The following PCCA variants were observed in gnomAD, a reference collection of about 807,000 sequenced individuals.
PCCA encodes the protein propionyl-CoA carboxylase subunit alpha, also known as propionyl-CoA carboxylase alpha chain, mitochondrial.
PCCA carries 74 observed loss-of-function variants against 101.3 expected under a neutral mutation model. That is an observed-to-expected ratio of 0.73 (90% confidence interval 0.61 to 0.89). The LOEUF is 0.89. PCCA is among the 40% of genes least tolerant of loss of function. The pLI, the probability that PCCA is intolerant of heterozygous loss-of-function variation, is 0.00. For missense variants in PCCA, 891 were observed against 907.0 expected, an observed-to-expected ratio of 0.98 and a Z score of 0.23; for synonymous variants, 294 against 313.6, an observed-to-expected ratio of 0.94 and a Z score of 0.66.
intron 4 of PCCA, among the ~76,000 whole-genome samples, chr13:100,128,609 C>T (rs1344109452): frequency 2.0e-5 from 3 of 152,090 alleles, no homozygotes; most frequent in Non-Finnish European, 4.4e-5. Context: ...AGACCGCGTG[C>T]GCAAAGGCTC....
chr13:100,503,781 G>T (rs1235517911), intron 21 of PCCA, among the ~76,000 whole-genome samples: 1 of 152,138 alleles, frequency 6.6e-6, no homozygotes, highest in Non-Finnish European at 1.5e-5. Flanking sequence ...GGTGGCATGT[G>T]CCTATGGTCT....
At chr13:100,105,671 A>G (rs1007299002) in intron 2 of PCCA, among the ~76,000 whole-genome samples, 2 of 149,466 alleles carry the variant, frequency 1.3e-5, no homozygotes, top group Non-Finnish European at 3.0e-5. Flanking sequence ...AAAAAAAAAA[A>G]AAAAAAAACA....
intron 14 of PCCA, chr13:100,305,690 T>TG (rs1408326421): frequency 1.1e-5 from 3 of 280,354 alleles, no homozygotes; most frequent in Non-Finnish European, 2.2e-5. Flanking sequence ...CTCTTTAATG[T>TG]GGGGAAAAGG....
chr13:100,258,556 A>G (rs969823895), intron 9 of PCCA, among the ~76,000 whole-genome samples: 1 of 152,012 alleles, frequency 6.6e-6, no homozygotes, highest in Non-Finnish European at 1.5e-5. Flanking sequence ...CTTAGCGCTT[A>G]TTTTTCATTA....
Position 100,146,590 on chromosome 13 carries a change from T to A in PCCA, c.301-8389T>A, listed in dbSNP as rs1274286814. Among the ~76,000 whole-genome samples the A allele has an allele frequency of 4.5e-3, 653 of 144,652 alleles. 7 individuals are homozygous for A. The highest frequency in any genetic ancestry group is 0.015 in the African/African-American group (557 of 38,362). The allele number at this position is 144,652 out of a possible 152,430, so 94.9% of individuals were successfully genotyped here. A position where few individuals can be genotyped will look rare whatever the true frequency, so the allele number is the denominator to read the frequency against. ...ACTCTGTCTCAAAAAAAAAAAAAAA[T>A]GGTTAATAGTTAGAAGAAATACAGG... On this transcript the variant is annotated intron_variant, in intron 4 of 23. Coordinates refer to ENST00000376285, the MANE Select transcript of PCCA (RefSeq NM_000282.4).
At chr13:100,468,186 GC>G (rs1180297400) in intron 21 of PCCA, among the ~76,000 whole-genome samples, 3 of 152,186 alleles carry the variant, frequency 2.0e-5, no homozygotes, top group Admixed American at 2.0e-4. Flanking sequence ...AGTAAACCAT[GC>G]CCTAAACAGA....
chr13:100,491,515 T>G, intron 21 of PCCA: 2 of 396,190 alleles, frequency 5.0e-6, no homozygotes, highest in South Asian at 5.0e-5. Flanking sequence ...AAGAAGAAAA[T>G]AGATAAAAAG....
intron 6 of PCCA, among the ~76,000 whole-genome samples, chr13:100,164,790 A>G (rs1352882220): frequency 6.6e-6 from 1 of 152,168 alleles, no homozygotes; most frequent in Non-Finnish European, 1.5e-5. Flanking sequence ...CATCAGCTCC[A>G]GAACTTTATA....
chr13:100,350,947 A>G (rs929964347), intron 18 of PCCA, among the ~76,000 whole-genome samples: 4 of 152,232 alleles, frequency 2.6e-5, no homozygotes, highest in African/African-American at 9.6e-5. Context: ...TCATACAGCT[A>G]TTCAGCTTAC....
At chr13:100,190,787 C>A (rs1224563299) in intron 6 of PCCA, among the ~76,000 whole-genome samples, 2 of 151,546 alleles carry the variant, frequency 1.3e-5, no homozygotes, top group Non-Finnish European at 2.9e-5. Flanking sequence ...AATAAGGAGA[C>A]CCCATCACTA....
At chr13:100,152,050 A>G (rs2053393507) in intron 4 of PCCA, among the ~76,000 whole-genome samples, 1 of 152,228 alleles carries the variant, frequency 6.6e-6, no homozygotes, top group African/African-American at 2.4e-5. Flanking sequence ...ATTGAAATAG[A>G]GTTTCAAAAG....
At position 100,524,914 on chromosome 13, in the gene PCCA, A is replaced by AAGAT. The variant is rs796956670; in HGVS notation, c.2041-2747_2041-2744dup. ...TTAGATAGATTAGATTAGATTACATAAGATAGATAGATAGATAAAATAGAT... is the reference window on the plus strand; with the variant it reads ...TTAGATAGATTAGATTAGATTACATAAGATAGATAGATAGATAGATAAAATAGAT... On this transcript the variant is annotated intron_variant, in intron 22 of 23. Coordinates refer to ENST00000376285, the MANE Select transcript of PCCA (RefSeq NM_000282.4). Among the ~76,000 whole-genome samples the AAGAT allele has an allele frequency of 3.3e-3, 505 of 152,156 alleles. 3 individuals carry two copies. The highest frequency in any genetic ancestry group is 0.011 in the African/African-American group (468 of 41,488).
chr13:100,297,476 A>C (rs2065648002), intron 12 of PCCA, among the ~76,000 whole-genome samples: 1 of 152,234 alleles, frequency 6.6e-6, no homozygotes, highest in South Asian at 2.1e-4. Context: ...AATGAGATAC[A>C]TTAAGCACTC....
chr13:100,275,657 T>A (rs927636255), intron 12 of PCCA, among the ~76,000 whole-genome samples: 1 of 152,234 alleles, frequency 6.6e-6, no homozygotes, highest in African/African-American at 2.4e-5. Flanking sequence ...TGTTTTCTTC[T>A]TGTCCAATCT....
In PCCA at chr13:100,412,633, A is replaced by G. The variant is rs991114529; in HGVS notation, c.1747-13000A>G. ...TGCCCTGTATACTCTGTACAAGTGC[A>G]TGCTTTATTATGATCAACCTAATGG... On this transcript the variant is annotated intron_variant, in intron 19 of 23. Transcript: ENST00000376285. Among the ~76,000 whole-genome samples, 5 of 152,176 alleles carry G rather than the reference A, an allele frequency of 3.3e-5. No homozygotes were observed. The South Asian group carries it at 1.0e-3, about 31-fold the overall frequency.
intron 8 of PCCA, among the ~76,000 whole-genome samples, chr13:100,243,518 T>C (rs1014020238): frequency 6.6e-6 from 1 of 152,140 alleles, no homozygotes; most frequent in African/African-American, 2.4e-5. Flanking sequence ...AACAAAATGA[T>C]CTAGGATTAT....
chr13:100,359,871 A>G (rs990560614), intron 18 of PCCA, among the ~76,000 whole-genome samples: 3 of 152,222 alleles, frequency 2.0e-5, no homozygotes, highest in African/African-American at 7.2e-5. Context: ...TCTCTACAGT[A>G]ATACAGATTC....
chr13:100,378,675 T>C (rs2076059572), intron 19 of PCCA, among the ~76,000 whole-genome samples: 1 of 152,162 alleles, frequency 6.6e-6, no homozygotes, highest in South Asian at 2.1e-4. Flanking sequence ...AAGACTTCTC[T>C]TCATGCTTTG....
chr13:100,119,915 A>G (rs961665971), intron 4 of PCCA, among the ~76,000 whole-genome samples: 9 of 152,102 alleles, frequency 5.9e-5, no homozygotes, highest in Non-Finnish European at 8.8e-5. Context: ...CTTGTTGTCC[A>G]GGCTGGAATG....
Sources: allele counts gnomAD v4.1 joint callset (sites outside exome capture counted in the v4.1 genomes callset), GRCh38; gene constraint gnomAD v4.1.1; transcripts MANE v1.5; gene names NCBI Gene and HGNC (gene_info 2026-07-23, HGNC 2026-07-21).